The following LUC7L variants were observed in gnomAD, a reference collection of about 807,000 sequenced individuals.
LUC7L encodes the protein LUC7 like, also known as putative RNA-binding protein Luc7-like 1.
LUC7L carries 29 observed loss-of-function variants against 51.1 expected under a neutral mutation model. The observed-to-expected ratio is 0.57, with a 90% confidence interval of 0.42 to 0.77. The LOEUF is 0.77. Ranked by LOEUF, LUC7L falls within the 30% of genes least tolerant of loss-of-function variation. The pLI, the probability that LUC7L is intolerant of heterozygous loss-of-function variation, is 0.00. For synonymous variants in LUC7L, 181 were observed against 180.7 expected (o/e 1.00, Z -0.01); for missense variants, 403 against 511.9 (o/e 0.79, Z 2.05).
At chr16:209,857 A>G (rs1245440185) in intron 3 of LUC7L, 3 of 152,200 alleles carry the variant, frequency 2.0e-5, no homozygotes, top group Non-Finnish European at 4.4e-5. Flanking sequence ...AAAAACATGC[A>G]TACTTGGGAG....
intron 3 of LUC7L, among the ~76,000 whole-genome samples, chr16:211,605 G>A (rs189963991): frequency 3.9e-5 from 6 of 152,270 alleles, no homozygotes; most frequent in Admixed American, 2.6e-4. Context: ...TAAAAGAGCA[G>A]ATCTAAATGA....
chr16:197,010 C>T (rs1596606092), intron 6 of LUC7L, among the ~76,000 whole-genome samples: 1 of 150,300 alleles, frequency 6.7e-6, no homozygotes, highest in Non-Finnish European at 1.5e-5. Flanking sequence ...CGGGTTGACA[C>T]CATTCTCCTG....
At chr16:201,974 C>A (rs1212844797) in intron 5 of LUC7L, among the ~76,000 whole-genome samples, 3 of 151,632 alleles carry the variant, frequency 2.0e-5, no homozygotes, top group Non-Finnish European at 4.4e-5. Context: ...GAACTCCTGA[C>A]CTCAGGTGAT....
At chr16:228,791 T>G in intron 1 of LUC7L, 1 of 1,286,330 alleles carries the variant, frequency 7.8e-7, no homozygotes, top group Non-Finnish European at 1.0e-6. Flanking sequence ...GAAACCCACG[T>G]TAGAAAAGCT....
At chr16:200,151 G>A (rs913312694) in intron 5 of LUC7L, among the ~76,000 whole-genome samples, 7 of 151,998 alleles carry the variant, frequency 4.6e-5, no homozygotes, top group South Asian at 4.2e-4. Flanking sequence ...GGCCGGGCGC[G>A]GTGGCTCACG....
intron 3 of LUC7L, among the ~76,000 whole-genome samples, chr16:218,628 G>A (rs1171640904): frequency 1.3e-5 from 2 of 151,978 alleles, no homozygotes; most frequent in Non-Finnish European, 2.9e-5. Flanking sequence ...GGCTGAGGCA[G>A]GAGAATTGCT....
At chr16:224,241 G>A (rs755046100) in intron 2 of LUC7L, among the ~76,000 whole-genome samples, 19 of 149,530 alleles carry the variant, frequency 1.3e-4, no homozygotes, top group East Asian at 4.0e-4. Context: ...TCATGAGGCC[G>A]AGCGCGGTGG....
At chr16:227,401 T>A (rs1021743509) in intron 1 of LUC7L, 65 bp from the exon 2 acceptor site, 9 of 1,542,444 alleles carry the variant, frequency 5.8e-6, no homozygotes, top group Non-Finnish European at 6.1e-6. Flanking sequence ...AAATAACTAG[T>A]ATAACAATTC....
intron 2 of LUC7L, among the ~76,000 whole-genome samples, chr16:226,043 A>C (rs2050123838): frequency 1.3e-5 from 2 of 152,258 alleles, no homozygotes; most frequent in South Asian, 4.1e-4. Flanking sequence ...TGAAATCATT[A>C]ATCTGTATTG....
chr16:207,975 C>T, intron 4 of LUC7L, 103 bp downstream of exon 4: 1 of 743,850 alleles, frequency 1.3e-6, no homozygotes, highest in Non-Finnish European at 2.2e-6. Context: ...TGCCACTGCA[C>T]TCCAGCCTGG....
intron 6 of LUC7L, among the ~76,000 whole-genome samples, chr16:198,150 G>A (rs942726177): frequency 6.6e-6 from 1 of 151,630 alleles, no homozygotes; most frequent in East Asian, 1.9e-4. Context: ...GTGGTGGCAG[G>A]CACCTGTAGT....
intron 3 of LUC7L, among the ~76,000 whole-genome samples, chr16:219,489 A>C (rs1371287385): frequency 6.6e-6 from 1 of 152,174 alleles, no homozygotes; most frequent in Non-Finnish European, 1.5e-5. Flanking sequence ...ACTGTGGAAG[A>C]AGGATCACCT....
At chr16:227,397 C>T in intron 1 of LUC7L, 61 bp from the exon 2 acceptor site, 6 of 1,545,688 alleles carry the variant, frequency 3.9e-6, no homozygotes, top group Non-Finnish European at 5.3e-6. Context: ...CAAAAAATAA[C>T]TAGTATAACA....
chr16:202,039 C>T (rs1055670477), intron 5 of LUC7L, among the ~76,000 whole-genome samples: 2 of 151,950 alleles, frequency 1.3e-5, no homozygotes, highest in South Asian at 2.1e-4. Flanking sequence ...CAACCGTGCC[C>T]GGCCATATTT....
At chr16:203,832 C>A (rs770565399) in intron 5 of LUC7L, among the ~76,000 whole-genome samples, 41 of 151,842 alleles carry the variant, frequency 2.7e-4, no homozygotes, top group Non-Finnish European at 4.1e-4. Flanking sequence ...CTGGCTAACA[C>A]GGTTAAATCA....
rs200790892 is a variant in LUC7L at position 199,149 on chromosome 16, A to G, written c.600T>C (p.His200=). 64 of 1,613,770 alleles carry G rather than the reference A, an allele frequency of 4.0e-5. No homozygotes were observed. The highest frequency in any genetic ancestry group is 5.3e-5 in the Non-Finnish European group (62 of 1,179,756). Residue 200 remains histidine, a synonymous_variant, in exon 6 of 10, where the codon CAT becomes CAC. Coordinates refer to ENST00000293872, the MANE Select transcript of LUC7L (RefSeq NM_201412.3). ...GGTCTGCCAGGCGACGGTCATTGTCATGGAGACCAAGGTAGGCTGAACAGA... is the reference window on the plus strand; with the variant it reads ...GGTCTGCCAGGCGACGGTCATTGTCGTGGAGACCAAGGTAGGCTGAACAGA... ...CEVCSAYLGL[H]DNDRRLADHF...
At chr16:189,456 T>C (rs1251200575) in intron 9 of LUC7L, 117 bp from the exon 10 acceptor site, 2 of 1,429,020 alleles carry the variant, frequency 1.4e-6, no homozygotes, top group African/African-American at 2.9e-5. Context: ...CCCCTATACC[T>C]GGAAACCCCC....
At chr16:189,663 A>T (rs1364934225) in intron 9 of LUC7L, 1 of 1,321,604 alleles carries the variant, frequency 7.6e-7, no homozygotes, top group Non-Finnish European at 9.6e-7. Flanking sequence ...AAAAACCAAA[A>T]CAGAGGTAAG....
chr16:205,165 G>A (rs1050105111), intron 5 of LUC7L, among the ~76,000 whole-genome samples: 1 of 152,160 alleles, frequency 6.6e-6, no homozygotes, highest in African/African-American at 2.4e-5. Context: ...TGTATGGTCT[G>A]TAAGCGTTTG....
Sources: gnomAD v4.1 joint callset for allele counts (sites outside exome capture counted in the v4.1 genomes callset) on GRCh38, gnomAD v4.1.1 for gene constraint, MANE v1.5 for transcripts, NCBI Gene and HGNC (gene_info 2026-07-23, HGNC 2026-07-21) for gene names.